ARID1A: variants seen among roughly 807,000 people sequenced by gnomAD.
The protein encoded by ARID1A is AT-rich interaction domain 1A, also known as AT-rich interactive domain-containing protein 1A.
In ARID1A, 20 loss-of-function variants were observed where a neutral mutation model predicts 212.6. That is an observed-to-expected ratio of 0.09 (90% CI 0.07 to 0.14). The LOEUF is 0.14. Among genes scored for constraint, ARID1A ranks in the 10% least tolerant of loss-of-function variants. The pLI is 1.00. For synonymous variants in ARID1A, 1,376 were observed against 1,222.1 expected, an observed-to-expected ratio of 1.13 and a Z score of -2.63; for missense variants, 2,587 against 3,059.0, an observed-to-expected ratio of 0.85 and a Z score of 3.64.
At chr1:26,752,320 C>T (rs1425656926) in intron 4 of ARID1A, among the ~76,000 whole-genome samples, 1 of 152,210 alleles carries the variant, frequency 6.6e-6, no homozygotes, top group Non-Finnish European at 1.5e-5. Flanking sequence ...ATTGAGACCA[C>T]TCCGTGGAAT....
intron 1 of ARID1A, among the ~76,000 whole-genome samples, chr1:26,708,832 C>T (rs938138228): frequency 3.3e-5 from 5 of 150,840 alleles, no homozygotes; most frequent in Non-Finnish European, 7.4e-5. Flanking sequence ...GTAGCTGGGA[C>T]TACAGGTGCC....
intron 1 of ARID1A, among the ~76,000 whole-genome samples, chr1:26,703,551 A>C (rs991930140): frequency 6.6e-6 from 1 of 152,204 alleles, no homozygotes; most frequent in Non-Finnish European, 1.5e-5. Flanking sequence ...CCTGACTATG[A>C]TTTTTAGGTT....
chr1:26,771,428 G>A lies in ARID1A; in HGVS notation c.3406+102G>A, dbSNP rs2081081879. ...AGGCTTATCCAACAGGATATGCCAA[G>A]GATCTGTGCTCTGCCTTGCCCTACC... On this transcript the variant is annotated intron_variant, in intron 12 of 19. Coordinates refer to ENST00000324856, the MANE Select transcript of ARID1A (RefSeq NM_006015.6). This position sits in a 1 kb window ranked among gnomAD's most constrained non-coding sequence, Gnocchi z 5.4. 2 of 1,277,738 alleles carry A rather than the reference G, an allele frequency of 1.6e-6. No individual in the cohort carries two copies. The highest frequency in any genetic ancestry group is 5.4e-4 in the Middle Eastern group (2 of 3,696). The allele number at this position is 1,277,738 out of a possible 1,614,324, so 79.2% of individuals were successfully genotyped here.
In ARID1A at chr1:26,696,698, G is replaced by C. The variant is rs2124741209; in HGVS notation, c.295G>C (p.Asp99His). 1 of 1,360,876 alleles carries C rather than the reference G, an allele frequency of 7.3e-7. No homozygotes were observed. Among genetic ancestry groups the C allele is most frequent in the Non-Finnish European group, 9.5e-7 (1 of 1,056,976 alleles). 84.3% of individuals were successfully genotyped at this position (1,360,876 alleles called of 1,614,324 possible). Residue 99 changes from aspartate to histidine, a missense_variant, in exon 1 of 20, where the codon GAC (aspartate) becomes CAC (histidine). Coordinates refer to ENST00000324856, the MANE Select transcript of ARID1A (RefSeq NM_006015.6). ...CGGCGGCGGGCCCGGCGCGGAGCCG[G>C]ACCTGAAGAACTCGAACGGGAACGC... ...GSGGGPGAEP[D>H]LKNSNGNAGP...
intron 4 of ARID1A, among the ~76,000 whole-genome samples, chr1:26,735,417 C>G (rs912757703): frequency 6.6e-6 from 1 of 152,178 alleles, no homozygotes; most frequent in Non-Finnish European, 1.5e-5. Flanking sequence ...CTCAGCCTCC[C>G]GAGTAGCTGG....
At chr1:26,778,728 A>G in intron 19 of ARID1A, 1 of 277,402 alleles carries the variant, frequency 3.6e-6, no homozygotes, top group South Asian at 1.5e-4. Flanking sequence ...CAGAAGATTA[A>G]TTGGGAAAAG....
At chr1:26,751,479 T>C (rs2080884819) in intron 4 of ARID1A, among the ~76,000 whole-genome samples, 1 of 152,190 alleles carries the variant, frequency 6.6e-6, no homozygotes, top group African/African-American at 2.4e-5. Context: ...TAATACCTTA[T>C]GGAAAGAGTG....
At chr1:26,725,015 GA>G (rs2080603210) in intron 1 of ARID1A, among the ~76,000 whole-genome samples, 1 of 151,938 alleles carries the variant, frequency 6.6e-6, no homozygotes, top group Non-Finnish European at 1.5e-5. Flanking sequence ...ATGAATGCAG[GA>G]GAGTATATAG....
chr1:26,706,146 A>G (rs554460325), intron 1 of ARID1A, among the ~76,000 whole-genome samples: 1 of 152,138 alleles, frequency 6.6e-6, no homozygotes. Flanking sequence ...GAAATGTGCC[A>G]TGTGCCTTTT....
intron 4 of ARID1A, among the ~76,000 whole-genome samples, chr1:26,748,406 G>C (rs2080856287): frequency 6.6e-6 from 1 of 152,058 alleles, no homozygotes; most frequent in Non-Finnish European, 1.5e-5. Flanking sequence ...TATAGCTGAT[G>C]ATCTTCATAA....
chr1:26,758,601 C>G (rs1414256070), intron 4 of ARID1A, among the ~76,000 whole-genome samples: 1 of 143,706 alleles, frequency 7.0e-6, no homozygotes, highest in Non-Finnish European at 1.5e-5. Flanking sequence ...CCTGGGGTAA[C>G]AGAGTGAGAC....
At chr1:26,698,534 A>G (rs1451562382) in intron 1 of ARID1A, among the ~76,000 whole-genome samples, 1 of 152,210 alleles carries the variant, frequency 6.6e-6, no homozygotes, top group African/African-American at 2.4e-5. Context: ...TTGTGCCCAA[A>G]CAAAAGAGGA....
Position 26,696,997 on chromosome 1 carries a change from C to G in ARID1A, c.594C>G (p.Pro198=). 1 of 1,522,068 alleles carries G rather than the reference C, an allele frequency of 6.6e-7. No homozygotes were observed. The highest frequency in any genetic ancestry group is 8.8e-7 in the Non-Finnish European group (1 of 1,138,444). The allele number at this position is 1,522,068 out of a possible 1,614,324, so 94.3% of individuals were successfully genotyped here. A position where few individuals can be genotyped will look rare whatever the true frequency, so the allele number is the denominator to read the frequency against. ...GGGGCCTGGAGCCCTACGCGGGGCC[C>G]CAGCAGAACTCTCACGACCACGGCT... ...GGGGLEPYAG[P]QQNSHDHGFP... Residue 198 remains proline (P), a synonymous_variant, in exon 1 of 20, where the codon CCC becomes CCG. Transcript: ENST00000324856.
chr1:26,774,493 C>A lies in ARID1A; in HGVS notation c.4266C>A (p.Ser1422=), dbSNP rs1328709326. 1 of 1,613,634 alleles carries A rather than the reference C, an allele frequency of 6.2e-7. No individual in the cohort carries two copies. Among genetic ancestry groups the A allele is most frequent in the South Asian group, 1.1e-5 (1 of 90,998 alleles). Residue 1422 remains serine (S), a synonymous_variant, in exon 18 of 20, where the codon TCC becomes TCA. Transcript: ENST00000324856. This position sits in a 1 kb window ranked among gnomAD's most constrained non-coding sequence, Gnocchi z 5.6. ...PASQQQAAQP[S]PQQDVYNQYG... is the part of the protein sequence containing the mutation. ...GCCAGCAACAAGCTGCCCAGCCTTCCCCTCAGCAAGATGTATACAACCAGT... is the reference window on the plus strand; with the variant it reads ...GCCAGCAACAAGCTGCCCAGCCTTCACCTCAGCAAGATGTATACAACCAGT...
intron 4 of ARID1A, among the ~76,000 whole-genome samples, chr1:26,748,850 C>CT (rs925971777): frequency 2.6e-4 from 39 of 151,134 alleles, no homozygotes; most frequent in Middle Eastern, 3.5e-3. Flanking sequence ...TCATCATCAT[C>CT]TTTTTTTTTA....
intron 6 of ARID1A, 83 bp from the exon 7 acceptor site, chr1:26,762,069 T>C (rs905940056): frequency 1.3e-5 from 19 of 1,416,080 alleles, no homozygotes; most frequent in Admixed American, 2.3e-5. Context: ...AAAATGTAGA[T>C]GGTAAAGTCC....
chr1:26,716,528 C>G (rs367994580), intron 1 of ARID1A, among the ~76,000 whole-genome samples: 16 of 152,126 alleles, frequency 1.1e-4, no homozygotes, highest in African/African-American at 3.6e-4. Context: ...CTGGTCAGTT[C>G]TGAGTCCCTT....
chr1:26,700,238 A>G (rs1419815663), intron 1 of ARID1A, among the ~76,000 whole-genome samples: 2 of 152,106 alleles, frequency 1.3e-5, no homozygotes, highest in Admixed American at 1.3e-4. Context: ...ATGATGCTCT[A>G]CTCTTCAACA....
rs770029128 is a variant in ARID1A, at chr1:26,731,553, T to G, written c.1752T>G (p.Ser584=). 1.2e-6 allele frequency: 2 copies of G among 1,614,092 alleles called. No homozygotes were observed. Among genetic ancestry groups the G allele is most frequent in the Non-Finnish European group, 1.7e-6 (2 of 1,180,016 alleles). Residue 584 remains serine (S), a synonymous_variant, in exon 3 of 20, where the codon TCT becomes TCG. Transcript: ENST00000324856. The stretch of plus-strand genomic sequence containing the variant: ...AGGCTGCGTATCCTCAGCCCCAGTC[T>G]CAGCAGTCCCAGCAAACTGCCTATT... ...SQQAAYPQPQ[S]QQSQQTAYSQ...
Sources: allele counts gnomAD v4.1 joint callset (sites outside exome capture counted in the v4.1 genomes callset), GRCh38; gene constraint gnomAD v4.1.1; non-coding constraint Gnocchi (gnomAD v3.1); transcripts MANE v1.5; gene names NCBI Gene and HGNC (gene_info 2026-07-23, HGNC 2026-07-21).